SHROOM4: variants seen among roughly 807,000 people sequenced by gnomAD.
The protein encoded by SHROOM4 is shroom family member 4, also known as protein Shroom4.
In SHROOM4, 17 loss-of-function variants were observed where a neutral mutation model predicts 80.3. That is an observed-to-expected ratio of 0.21 (90% confidence interval 0.14 to 0.32). SHROOM4 has a LOEUF of 0.32. SHROOM4 is among the 10% of genes least tolerant of loss of function. The pLI is 1.00. For synonymous variants in SHROOM4, 400 were observed against 437.5 expected (o/e 0.91, Z 1.07); for missense variants, 993 against 1,140.3 (o/e 0.87, Z 1.86).
At chrX:50,808,167 C>T (rs2147746928) in intron 1 of SHROOM4, among the ~76,000 whole-genome samples, 1 of 111,898 alleles carries the variant, frequency 8.9e-6, no homozygotes, top group African/African-American at 3.2e-5. Context: ...CTTCAGATAT[C>T]CCAAGGGCTG....
At chrX:50,809,356 G>C (rs185101972) in intron 1 of SHROOM4, among the ~76,000 whole-genome samples, 189 of 112,307 alleles carry the variant, frequency 1.7e-3, no homozygotes, top group African/African-American at 5.9e-3. Context: ...AGATCCTCTT[G>C]AAGTCTCAAC....
chrX:50,746,255 C>T (rs1399424219), intron 1 of SHROOM4, among the ~76,000 whole-genome samples: 1 of 111,731 alleles, frequency 9.0e-6, no homozygotes, highest in Non-Finnish European at 1.9e-5. Context: ...CTCTGTCCCC[C>T]TCCCTCTGGT....
At chrX:50,712,579 T>C (rs781866154) in intron 1 of SHROOM4, among the ~76,000 whole-genome samples, 6 of 111,326 alleles carry the variant, frequency 5.4e-5, no homozygotes, top group Non-Finnish European at 9.4e-5. Flanking sequence ...CCAAAATTAA[T>C]TAAAAATAGA....
At chrX:50,760,646 T>C (rs1935138016) in intron 1 of SHROOM4, among the ~76,000 whole-genome samples, 1 of 112,003 alleles carries the variant, frequency 8.9e-6, no homozygotes, top group Non-Finnish European at 1.9e-5. Context: ...CAACATTTTT[T>C]TTTGTTTTAA....
chrX:50,809,520 G>C (rs1211949876), intron 1 of SHROOM4, among the ~76,000 whole-genome samples: 1 of 112,585 alleles, frequency 8.9e-6, no homozygotes, highest in Non-Finnish European at 1.9e-5. Context: ...TGTGATAATA[G>C]AGATGGGGCA....
intron 2 of SHROOM4, among the ~76,000 whole-genome samples, chrX:50,647,769 C>G (rs1931894702): frequency 1.8e-5 from 2 of 111,691 alleles, no homozygotes; most frequent in African/African-American, 6.5e-5. Flanking sequence ...CAGGTCATCT[C>G]TACTACTAAA....
chrX:50,584,169 G>A (rs1044828968), downstream of SHROOM4, among the ~76,000 whole-genome samples: 12 of 112,206 alleles, frequency 1.1e-4, no homozygotes, highest in East Asian at 3.1e-3. Flanking sequence ...GGCCAGCAAA[G>A]TTGTAGCTAG....
the SHROOM4 span, among the ~76,000 whole-genome samples, chrX:50,576,204 T>C: frequency 1.8e-5 from 2 of 112,134 alleles, no homozygotes; most frequent in Non-Finnish European, 3.8e-5. Context: ...TTATCATTAC[T>C]GGAGCTCCTA....
intron 1 of SHROOM4, among the ~76,000 whole-genome samples, chrX:50,714,197 A>G (rs1933890559): frequency 9.0e-6 from 1 of 111,729 alleles, no homozygotes; most frequent in Admixed American, 9.6e-5. Flanking sequence ...CTGTTTTCAT[A>G]CCGACAGCAT....
Position 50,651,504 on chromosome X carries a change from T to G in SHROOM4, c.270-13196A>C, listed in dbSNP as rs1442883415. On this transcript the variant is annotated intron_variant, in intron 2 of 8. Coordinates refer to ENST00000376020, the MANE Select transcript of SHROOM4 (RefSeq NM_020717.5). ...ACCAGCATCAGCATCACCTGAGAAC[T>G]TGTAGGAAAGAAAATTCTGGGGACC... 2.7e-5 allele frequency among the ~76,000 whole-genome samples: 3 copies of G among 111,813 alleles called. No homozygotes were observed. In the East Asian group the frequency reaches 8.5e-4, roughly 32 times the overall value.
intron 2 of SHROOM4, among the ~76,000 whole-genome samples, chrX:50,693,490 T>C (rs1159257952): frequency 2.8e-5 from 3 of 106,046 alleles, no homozygotes; most frequent in African/African-American, 1.0e-4. Flanking sequence ...TGTTTGAACC[T>C]GGGAGGCGGA....
chrX:50,668,098 T>C (rs1276997729), intron 2 of SHROOM4, among the ~76,000 whole-genome samples: 1 of 112,038 alleles, frequency 8.9e-6, no homozygotes, highest in East Asian at 2.8e-4. Flanking sequence ...CAGGTGTTGG[T>C]AGGAAAGACC....
intron 2 of SHROOM4, among the ~76,000 whole-genome samples, chrX:50,682,775 G>A (rs1932971237): frequency 1.8e-5 from 2 of 111,803 alleles, no homozygotes; most frequent in African/African-American, 6.5e-5. Context: ...AGAATATGTT[G>A]TAGCTGGATG....
At chrX:50,736,395 C>T (rs1320193954) in intron 1 of SHROOM4, among the ~76,000 whole-genome samples, 4 of 110,950 alleles carry the variant, frequency 3.6e-5, no homozygotes, top group East Asian at 2.8e-4. Flanking sequence ...TTTTTCCTAA[C>T]GCTCTCCATC....
intron 5 of SHROOM4, 146 bp downstream of exon 5, chrX:50,627,468 G>A (rs1389685751): frequency 1.8e-6 from 1 of 551,008 alleles, no homozygotes; most frequent in East Asian, 3.5e-5. Context: ...AGGGGGACAG[G>A]CTGAATTATA....
chrX:50,796,072 G>A (rs1936004239), intron 1 of SHROOM4, among the ~76,000 whole-genome samples: 1 of 111,786 alleles, frequency 8.9e-6, no homozygotes, highest in African/African-American at 3.2e-5. Flanking sequence ...GATGAAGCAA[G>A]TTTTTAATAA....
intron 2 of SHROOM4, among the ~76,000 whole-genome samples, chrX:50,685,114 T>C: frequency 9.0e-6 from 1 of 111,605 alleles, no homozygotes; most frequent in East Asian, 2.8e-4. Flanking sequence ...TTGGAGGGCA[T>C]CCAGACAAGA....
intron 1 of SHROOM4, among the ~76,000 whole-genome samples, chrX:50,715,918 T>A (rs1467223035): frequency 2.7e-5 from 3 of 109,631 alleles, no homozygotes; most frequent in Admixed American, 1.9e-4. Context: ...CACAACCATG[T>A]TCATGGTAGC....
intron 5 of SHROOM4, among the ~76,000 whole-genome samples, chrX:50,616,422 T>C (rs186460352): frequency 8.9e-6 from 1 of 111,825 alleles, no homozygotes; most frequent in Admixed American, 9.5e-5. Context: ...TTTATATTTA[T>C]TTTTTTCTAT....
Sources: gnomAD v4.1 joint callset for allele counts (sites outside exome capture counted in the v4.1 genomes callset) on GRCh38, gnomAD v4.1.1 for gene constraint, MANE v1.5 for transcripts, NCBI Gene and HGNC (gene_info 2026-07-23, HGNC 2026-07-21) for gene names.